The following QPCT variants were observed in gnomAD, a reference collection of about 807,000 sequenced individuals.
QPCT encodes glutaminyl-peptide cyclotransferase.
A neutral mutation model predicts 43.4 loss-of-function variants in QPCT; 44 were observed. The observed-to-expected ratio is 1.01, with a 90% confidence interval of 0.80 to 1.30. The LOEUF (loss-of-function observed/expected upper bound fraction) is 1.30, where lower values mean the gene tolerates loss of function less well. Among genes scored for constraint, QPCT ranks in the 50% most tolerant of loss-of-function variants. The pLI is 0.00. For synonymous variants in QPCT, 168 were observed against 168.4 expected (o/e 1.00, Z 0.02); for missense variants, 526 against 436.5 (o/e 1.21, Z -1.83).
chr2:37,359,989 C>T (rs4670196), intron 3 of QPCT, 131 bp downstream of exon 3: 43,073 of 987,850 alleles, frequency 0.044, 4,511 homozygotes, highest in East Asian at 0.34. Flanking sequence ...TTATTATGAA[C>T]ATTAATTGTA....
At chr2:37,347,196 T>TATATATATAAC (rs1672517868) in intron 1 of QPCT, among the ~76,000 whole-genome samples, 2 of 62,760 alleles carry the variant, frequency 3.2e-5, no homozygotes, top group Non-Finnish European at 5.6e-5. Flanking sequence ...ATATATAACA[T>TATATATATAAC]ATATATATAA....
chr2:37,363,254 A>G (rs955179523), intron 3 of QPCT, among the ~76,000 whole-genome samples: 9 of 152,186 alleles, frequency 5.9e-5, no homozygotes, highest in Non-Finnish European at 1.0e-4. Flanking sequence ...TGTGTCTCCA[A>G]CCAGCATTTT....
At chr2:37,369,932 A>G (rs902557614) in intron 5 of QPCT, 148 bp downstream of exon 5, 33 of 691,060 alleles carry the variant, frequency 4.8e-5, no homozygotes, top group Non-Finnish European at 6.7e-5. Flanking sequence ...CAGGCAGATC[A>G]GCTAGGGTCA....
chr2:37,369,118 G>C (rs1393155078), intron 4 of QPCT, among the ~76,000 whole-genome samples: 1 of 152,152 alleles, frequency 6.6e-6, no homozygotes, highest in African/African-American at 2.4e-5. Flanking sequence ...ATGAAAGAGA[G>C]CTATAACCAG....
chr2:37,348,719 A>G (rs1346506397), intron 1 of QPCT, among the ~76,000 whole-genome samples: 2 of 152,186 alleles, frequency 1.3e-5, no homozygotes, highest in Non-Finnish European at 2.9e-5. Context: ...TGGCTGAAAG[A>G]TTCTTGCACT....
rs758440493 is a variant in QPCT at position 37,352,870 on chromosome 2, A to G, written c.202A>G (p.Asn68Asp). Residue 68 changes from asparagine to aspartate, a missense_variant, in exon 2 of 7, where the codon AAT becomes GAT. By Grantham distance (23) the Asn-to-Asp change is conservative. Coordinates refer to ENST00000338415, the MANE Select transcript of QPCT (RefSeq NM_012413.4). ...EGTSISEMWQ[N>D]DLQPLLIERY... Reference sequence around the variant, plus strand: ...CACCAGTATCTCTGAAATGTGGCAAAATGACTTACAGCCATTGCTGATAGA... The same window carrying G: ...CACCAGTATCTCTGAAATGTGGCAAGATGACTTACAGCCATTGCTGATAGA... The G allele has an allele frequency of 7.4e-6, 12 of 1,614,192 alleles. No individual in the cohort carries two copies. The highest frequency in any genetic ancestry group is 9.3e-6 in the Non-Finnish European group (11 of 1,180,028).
chr2:37,349,015 A>G (rs1672567065), intron 1 of QPCT, among the ~76,000 whole-genome samples: 1 of 152,210 alleles, frequency 6.6e-6, no homozygotes, highest in Non-Finnish European at 1.5e-5. Flanking sequence ...TTCTGAGAAT[A>G]AGACCCCTCA....
At chr2:37,353,256 AG>A (rs1672660740) in intron 2 of QPCT, among the ~76,000 whole-genome samples, 1 of 152,212 alleles carries the variant, frequency 6.6e-6, no homozygotes, top group Non-Finnish European at 1.5e-5. Context: ...GAACAGCAAC[AG>A]GCTTAGGGAG....
In QPCT at chr2:37,352,854, C is replaced by G; in HGVS notation, c.186C>G (p.Ile62Met). ...GGCAAATTGCAGAAGGCACCAGTAT[C>G]TCTGAAATGTGGCAAAATGACTTAC... ...ALRQIAEGTS[I>M]SEMWQNDLQP... The change falls in exon 2 of 7, where the codon ATC (isoleucine) becomes ATG (methionine). Residue 62 changes from isoleucine (I) to methionine (M), a missense_variant. By Grantham distance (10) the Ile-to-Met change is conservative. Transcript: ENST00000338415. The G allele has an allele frequency of 1.2e-6, 2 of 1,614,190 alleles. No homozygotes were observed.
intron 3 of QPCT, 74 bp from the exon 4 acceptor site, chr2:37,367,158 A>G: frequency 6.8e-7 from 1 of 1,462,758 alleles, no homozygotes; most frequent in Non-Finnish European, 9.3e-7. Flanking sequence ...CTTTTTGCCC[A>G]ATTAATAGAA....
At chr2:37,346,641 T>A (rs1002132232) in intron 1 of QPCT, among the ~76,000 whole-genome samples, 5 of 152,222 alleles carry the variant, frequency 3.3e-5, no homozygotes, top group African/African-American at 4.8e-5. Flanking sequence ...ATATTTATTT[T>A]AAGAAGCTTC....
intron 1 of QPCT, among the ~76,000 whole-genome samples, chr2:37,348,061 CGCGTGTGTGTGTGT>C (rs1315809084): frequency 9.0e-6 from 1 of 111,002 alleles, no homozygotes; most frequent in Non-Finnish European, 1.9e-5. Flanking sequence ...TGCGCGCGCA[CGCGTGTGTGTGTGT>C]GTGTGTGTGT....
chr2:37,350,811 C>CT (rs1672604688), intron 1 of QPCT, among the ~76,000 whole-genome samples: 1 of 152,314 alleles, frequency 6.6e-6, no homozygotes, highest in African/African-American at 2.4e-5. Context: ...GAAATAGTAA[C>CT]TAACACATTG....
At chr2:37,346,615 A>G (rs1168102386) in intron 1 of QPCT, among the ~76,000 whole-genome samples, 2 of 152,242 alleles carry the variant, frequency 1.3e-5, no homozygotes, top group East Asian at 1.9e-4. Context: ...CGTCTTTTAA[A>G]GCATGAATCC....
intron 3 of QPCT, 163 bp downstream of exon 3, chr2:37,360,021 C>A: frequency 1.3e-6 from 1 of 756,254 alleles, no homozygotes; most frequent in Non-Finnish European, 2.1e-6. Context: ...TTGGGAATAT[C>A]AACCATGGGC....
chr2:37,369,963 C>T (rs1032454378), intron 5 of QPCT, among the ~76,000 whole-genome samples, 179 bp downstream of exon 5: 1 of 152,084 alleles, frequency 6.6e-6, no homozygotes, highest in Admixed American at 6.5e-5. Flanking sequence ...ACCAGCCTGG[C>T]CAACATGAAA....
intron 1 of QPCT, among the ~76,000 whole-genome samples, chr2:37,346,395 A>G (rs1374263092): frequency 6.6e-6 from 1 of 152,234 alleles, no homozygotes; most frequent in Non-Finnish European, 1.5e-5. Context: ...AGAAATTGGG[A>G]AGAGAACATT....
chr2:37,349,403 G>T (rs1297887544), intron 1 of QPCT, among the ~76,000 whole-genome samples: 2 of 152,220 alleles, frequency 1.3e-5, no homozygotes, highest in African/African-American at 4.8e-5. Flanking sequence ...AGTATCTCTT[G>T]TAGTTAAAGA....
rs1553384232 is a variant in QPCT, at chr2:37,347,170, T to TATATATAAC, written c.120+2326_120+2327insACATATATA. On this transcript the variant is annotated intron_variant, in intron 1 of 6. Coordinates refer to ENST00000338415, the MANE Select transcript of QPCT (RefSeq NM_012413.4). ...TATATATATATATATATATAACATA[T>TATATATAAC]ATATATATAACATATATATATAACA... 4.1e-3 allele frequency among the ~76,000 whole-genome samples: 217 copies of TATATATAAC among 52,620 alleles called. 30 individuals are homozygous for TATATATAAC. The highest frequency in any genetic ancestry group is 0.016 in the East Asian group (9 of 546). 34.5% of individuals were successfully genotyped at this position (52,620 alleles called of 152,430 possible). A position where few individuals can be genotyped will look rare whatever the true frequency, so the allele number is the denominator to read the frequency against.
Sources: allele counts gnomAD v4.1 joint callset (sites outside exome capture counted in the v4.1 genomes callset), GRCh38; gene constraint gnomAD v4.1.1; transcripts MANE v1.5; gene names NCBI Gene and HGNC (gene_info 2026-07-23, HGNC 2026-07-21).